Variants in TLE3 observed in about 807,000 individuals in gnomAD.
TLE3 encodes TLE family member 3, transcriptional corepressor.
In TLE3, 14 loss-of-function variants were observed where a neutral mutation model predicts 93.0. The observed-to-expected ratio is 0.15, with a 90% CI of 0.10 to 0.24. The LOEUF (loss-of-function observed/expected upper bound fraction) is 0.24, where lower values mean the gene tolerates loss of function less well. Ranked by LOEUF, TLE3 falls within the 10% of genes least tolerant of loss-of-function variation. TLE3 has a pLI of 1.00. For synonymous variants in TLE3, 451 were observed against 425.0 expected (o/e 1.06, Z -0.75); for missense variants, 693 against 1,046.6 (o/e 0.66, Z 4.66).
chr15:70,057,048 C>T (rs1429359117), intron 13 of TLE3, among the ~76,000 whole-genome samples: 1 of 152,206 alleles, frequency 6.6e-6, no homozygotes, highest in Admixed American at 6.5e-5. Context: ...CCACTGCGCT[C>T]GACCCCTAAC....
In TLE3 at chr15:70,049,979, AAC is replaced by A. The variant is rs1441715135; in HGVS notation, c.*116_*117del. The stretch of plus-strand genomic sequence containing the variant: ...CTCAGCCGGCCGGAGCGCAGCCCTG[AAC>A]GCTCGGCTGCCTGCGGCCCATCCTC... On this transcript the variant is annotated 3_prime_UTR_variant, in exon 20 of 20. Coordinates refer to ENST00000451782, the MANE Select transcript of TLE3 (RefSeq NM_001105192.3). 1.2e-6 allele frequency: 1 copy of A among 805,416 alleles called. No individual in the cohort carries two copies. Among genetic ancestry groups the A allele is most frequent in the Non-Finnish European group, 2.1e-6 (1 of 478,392 alleles). The allele number at this position is 805,416 out of a possible 1,614,324, so 49.9% of individuals were successfully genotyped here. A position where few individuals can be genotyped will look rare whatever the true frequency, so the allele number is the denominator to read the frequency against.
chr15:70,055,980 C>T lies in TLE3; in HGVS notation c.1328+318G>A, dbSNP rs2055985681. 8.8e-6 allele frequency: 4 copies of T among 455,948 alleles called. No individual in the cohort carries two copies. In the East Asian group the frequency reaches 1.3e-4, roughly 15 times the overall value. 28.2% of individuals were successfully genotyped at this position (455,948 alleles called of 1,614,324 possible). A position where few individuals can be genotyped will look rare whatever the true frequency, so the allele number is the denominator to read the frequency against. On this transcript the variant is annotated intron_variant, in intron 14 of 19. Transcript: ENST00000451782. ...CCCAGCAGGTCGAACCCAAAGGAGT[C>T]GGCAAGGCCCACCACAGCTCCAGGT...
Position 70,096,270 on chromosome 15 carries a change from C to G in TLE3, c.25-9G>C. 1 of 1,551,592 alleles carries G rather than the reference C, an allele frequency of 6.4e-7. No homozygotes were observed. Among genetic ancestry groups the G allele is most frequent in the Non-Finnish European group, 8.7e-7 (1 of 1,147,474 alleles). ...CCGGGTTGATGGGGAGCCTGGAGCC[C>G]GCGAAGACAAGACAGGGGAGGGGGC... On this transcript the variant is annotated splice_polypyrimidine_tract_variant and intron_variant, in intron 1 of 19. Transcript: ENST00000451782.
intron 1 of TLE3, 111 bp downstream of exon 1, chr15:70,096,664 C>G (rs973622400): frequency 5.1e-6 from 8 of 1,556,116 alleles, no homozygotes; most frequent in Non-Finnish European, 7.0e-6. Context: ...AGCACACACA[C>G]AAACACACAC....
chr15:70,052,581 A>C (rs948689168), intron 17 of TLE3, 57 bp from the exon 18 acceptor site: 27 of 1,561,282 alleles, frequency 1.7e-5, no homozygotes, highest in Non-Finnish European at 2.3e-5. Flanking sequence ...CCTCAAGAGG[A>C]GGGCGGCTCC....
Position 70,063,420 on chromosome 15 carries a change from T to G in TLE3, c.594+1034A>C, listed in dbSNP as rs539105326. Reference sequence around the variant, plus strand: ...ATGTGGTCCTGGATTTCTGAGCATGTAGGCGGGTCAAGAGGCCACGGACGC... The same window carrying G: ...ATGTGGTCCTGGATTTCTGAGCATGGAGGCGGGTCAAGAGGCCACGGACGC... On this transcript the variant is annotated intron_variant, in intron 8 of 19. Transcript: ENST00000451782. Among the ~76,000 whole-genome samples, 8 of 152,250 alleles carry G rather than the reference T, an allele frequency of 5.3e-5. No homozygotes were observed. In the East Asian group the frequency reaches 1.5e-3, roughly 29 times the overall value.
chr15:70,079,935 T>G lies in TLE3; in HGVS notation c.235-3777A>C, dbSNP rs187971318. 4.7e-3 allele frequency among the ~76,000 whole-genome samples: 710 copies of G among 152,160 alleles called. 6 individuals carry two copies. The highest frequency in any genetic ancestry group is 0.016 in the African/African-American group (674 of 41,490). Reference sequence around the variant, plus strand: ...CCAAATTTTGACATTTCAAGAGAGCTTAGAGAAATATTTTTGAAAGAAAAA... The same window carrying G: ...CCAAATTTTGACATTTCAAGAGAGCGTAGAGAAATATTTTTGAAAGAAAAA... On this transcript the variant is annotated intron_variant, in intron 4 of 19. Coordinates refer to ENST00000451782, the MANE Select transcript of TLE3 (RefSeq NM_001105192.3).
At chr15:70,057,679 G>T in intron 12 of TLE3, 21 bp from the exon 13 acceptor site, 1 of 1,551,586 alleles carries the variant, frequency 6.4e-7, no homozygotes, top group South Asian at 1.2e-5. Flanking sequence ...TGGGCGTCAG[G>T]GAGGTGGGCC....
At chr15:70,074,448 G>A (rs1479519928) in intron 6 of TLE3, 85 bp downstream of exon 6, 5 of 1,504,198 alleles carry the variant, frequency 3.3e-6, no homozygotes, top group Non-Finnish European at 4.5e-6. Context: ...GCCAGCTAAG[G>A]TCAGGGTCAA....
intron 4 of TLE3, among the ~76,000 whole-genome samples, chr15:70,087,864 A>G (rs1034852842): frequency 6.6e-6 from 1 of 152,186 alleles, no homozygotes; most frequent in Non-Finnish European, 1.5e-5. Context: ...GGAGAAAAGT[A>G]TTTGTTCTCA....
In TLE3 at chr15:70,052,510, G is replaced by C. The variant is rs776643218; in HGVS notation, c.1989C>G (p.Gly663=). ...CCAGCCACTCCCCAGTGGGGCAGTA[G>C]CCCAGCGAGAAGATCTGCAGGTGGT... is the stretch of plus-strand genomic sequence containing the variant. ...HDFTSQIFSL[G]YCPTGEWLAV... is the part of the protein sequence containing the mutation. Residue 663 remains glycine, a synonymous_variant, in exon 18 of 20, where the codon GGC becomes GGG. Transcript: ENST00000451782. 2 of 1,613,440 alleles carry C rather than the reference G, an allele frequency of 1.2e-6. No homozygotes were observed. The highest frequency in any genetic ancestry group is 2.2e-5 in the East Asian group (1 of 44,882).
In TLE3 at chr15:70,058,135, G is replaced by A; in HGVS notation, c.1051+24C>T. 1 of 1,613,818 alleles carries A rather than the reference G, an allele frequency of 6.2e-7. No homozygotes were observed. Among genetic ancestry groups the A allele is most frequent in the Non-Finnish European group, 8.5e-7 (1 of 1,179,812 alleles). On this transcript the variant is annotated intron_variant, in intron 12 of 19. Transcript: ENST00000451782. This position sits in a 1 kb window ranked among gnomAD's most constrained non-coding sequence, Gnocchi z 4.1. ...CCCTCCCCCCAATCAGATTAACCCA[G>A]CCCATGGTGCCTACCCATTATACCT...
At chr15:70,070,744 C>T (rs2057103684) in intron 6 of TLE3, among the ~76,000 whole-genome samples, 1 of 152,226 alleles carries the variant, frequency 6.6e-6, no homozygotes, top group Admixed American at 6.5e-5. Flanking sequence ...CCTCCTTCCA[C>T]CATGGCTGCC....
intron 4 of TLE3, among the ~76,000 whole-genome samples, chr15:70,080,153 C>T (rs1054430109): frequency 3.9e-5 from 6 of 151,986 alleles, no homozygotes; most frequent in Admixed American, 3.3e-4. Flanking sequence ...TGGAAAACTC[C>T]TTTTGGCAAC....
intron 4 of TLE3, among the ~76,000 whole-genome samples, chr15:70,088,428 T>C (rs184132733): frequency 6.6e-5 from 10 of 152,268 alleles, no homozygotes; most frequent in South Asian, 2.1e-4. Flanking sequence ...TTTTTAAATA[T>C]GTATTTTGAA....
Position 70,080,258 on chromosome 15 carries a change from A to G in TLE3, c.235-4100T>C, listed in dbSNP as rs186318998. The stretch of plus-strand genomic sequence containing the variant: ...CGGTCCCACAAAGCCACTGCTTTTG[A>G]GCCAGGTCTTCAGAAGCGAATCTGA... On this transcript the variant is annotated intron_variant, in intron 4 of 19. Transcript: ENST00000451782. Among the ~76,000 whole-genome samples the G allele has an allele frequency of 1.6e-4, 24 of 152,280 alleles. No homozygotes were observed. The East Asian group carries it at 4.4e-3, about 28-fold the overall frequency.
intron 4 of TLE3, 108 bp downstream of exon 4, chr15:70,094,424 G>C: frequency 3.6e-6 from 3 of 832,674 alleles, no homozygotes; most frequent in Middle Eastern, 3.1e-4. Flanking sequence ...GGAGAAGGGG[G>C]AGGAATCGAA....
chr15:70,060,344 C>T (rs776885992), intron 9 of TLE3, among the ~76,000 whole-genome samples, 186 bp downstream of exon 9: 1 of 152,310 alleles, frequency 6.6e-6, no homozygotes, highest in South Asian at 2.1e-4. Context: ...ATGCTCATAG[C>T]GTGTGTGAAC....
chr15:70,065,973 A>ACCCCCTCCCCCCCCCCC, intron 7 of TLE3, 41 bp downstream of exon 7: 12 of 806,224 alleles, frequency 1.5e-5, no homozygotes, highest in Admixed American at 5.8e-5. Context: ...GCCCATGCCC[A>ACCCCCTCCCCCCCCCCC]CCCCTGCCCC....
Sources: gnomAD v4.1 joint callset for allele counts (sites outside exome capture counted in the v4.1 genomes callset) on GRCh38, gnomAD v4.1.1 for gene constraint, Gnocchi (gnomAD v3.1) non-coding constraint, MANE v1.5 for transcripts, NCBI Gene and HGNC (gene_info 2026-07-23, HGNC 2026-07-21) for gene names.